PLXDC2: variants seen among roughly 807,000 people sequenced by gnomAD.
PLXDC2 encodes plexin domain containing 2, also known as plexin domain-containing protein 2.
PLXDC2 carries 40 observed loss-of-function variants against 68.9 expected under a neutral mutation model. The observed-to-expected ratio is 0.58, with a 90% CI of 0.45 to 0.76. PLXDC2 has a LOEUF of 0.76. PLXDC2 is among the 30% of genes least tolerant of loss of function. The pLI is 0.00. For synonymous variants in PLXDC2, 243 were observed against 234.2 expected, an observed-to-expected ratio of 1.04 and a Z score of -0.34; for missense variants, 644 against 661.9, an observed-to-expected ratio of 0.97 and a Z score of 0.30.
intron 1 of PLXDC2, among the ~76,000 whole-genome samples, chr10:19,875,502 A>T (rs186043553): frequency 6.6e-6 from 1 of 152,352 alleles, no homozygotes; most frequent in East Asian, 1.9e-4. Context: ...CGACCTTGAT[A>T]ATTAACAGTC....
At chr10:20,082,085 G>A in intron 4 of PLXDC2, among the ~76,000 whole-genome samples, 1 of 124,216 alleles carries the variant, frequency 8.1e-6, no homozygotes, top group Non-Finnish European at 1.6e-5. Context: ...AACAGGAGAA[G>A]TCTGAGAAAC....
intron 12 of PLXDC2, among the ~76,000 whole-genome samples, chr10:20,227,257 T>C (rs1835299190): frequency 6.6e-6 from 1 of 152,094 alleles, no homozygotes; most frequent in Non-Finnish European, 1.5e-5. Context: ...CCTAAGGGGA[T>C]GACATAGAGA....
At chr10:19,818,450 G>T (rs978461710) in intron 1 of PLXDC2, among the ~76,000 whole-genome samples, 1 of 152,008 alleles carries the variant, frequency 6.6e-6, no homozygotes, top group Admixed American at 6.6e-5. Flanking sequence ...ACAACACTTC[G>T]CCTGTCCCTG....
At chr10:19,940,141 A>T (rs1171539542) in intron 1 of PLXDC2, among the ~76,000 whole-genome samples, 1 of 151,754 alleles carries the variant, frequency 6.6e-6, no homozygotes. Context: ...ATGTGCTGGA[A>T]ATGGAAGGTA....
rs909229960 is a variant in PLXDC2 at position 20,281,438 on chromosome 10, C to A, written c.*1619C>A. 6.6e-6 allele frequency: 1 copy of A among 152,162 alleles called. No individual in the cohort carries two copies. Among genetic ancestry groups the A allele is most frequent in the Non-Finnish European group, 1.5e-5 (1 of 68,044 alleles). 9.4% of individuals were successfully genotyped at this position (152,162 alleles called of 1,614,324 possible). A position where few individuals can be genotyped will look rare whatever the true frequency, so the allele number is the denominator to read the frequency against. ...GTGCTCAACATTTGCAGATTCAGGT[C>A]TCAAGAAGCAGAGATGTCTCATAAG... is the stretch of plus-strand genomic sequence containing the variant. On this transcript the variant is annotated 3_prime_UTR_variant, in exon 14 of 14. Coordinates refer to ENST00000377252, the MANE Select transcript of PLXDC2 (RefSeq NM_032812.9).
intron 4 of PLXDC2, among the ~76,000 whole-genome samples, chr10:20,077,636 T>G (rs549623718): frequency 3.7e-4 from 57 of 152,308 alleles, no homozygotes; most frequent in Non-Finnish European, 1.5e-5. Context: ...TTAATTGGCT[T>G]ATTGTCAATT....
At chr10:19,880,518 G>T (rs541812682) in intron 1 of PLXDC2, among the ~76,000 whole-genome samples, 68 of 152,210 alleles carry the variant, frequency 4.5e-4, no homozygotes, top group African/African-American at 1.6e-3. Flanking sequence ...ATATTTTATT[G>T]TACTGACCTC....
At chr10:19,977,778 T>C (rs1365489774) in intron 1 of PLXDC2, among the ~76,000 whole-genome samples, 1 of 152,074 alleles carries the variant, frequency 6.6e-6, no homozygotes, top group Non-Finnish European at 1.5e-5. Context: ...TTTCTTTTTT[T>C]TATAAGGGCA....
chr10:20,129,099 A>G (rs1833830591), intron 4 of PLXDC2, among the ~76,000 whole-genome samples: 1 of 152,204 alleles, frequency 6.6e-6, no homozygotes, highest in South Asian at 2.1e-4. Context: ...CATTTCCACC[A>G]ACAATGTATA....
intron 4 of PLXDC2, among the ~76,000 whole-genome samples, chr10:20,115,239 A>G (rs1833606724): frequency 6.6e-6 from 1 of 152,196 alleles, no homozygotes; most frequent in Non-Finnish European, 1.5e-5. Flanking sequence ...AAGCTTATAA[A>G]GGATAGCAAA....
chr10:20,043,459 C>T (rs936474547), intron 2 of PLXDC2: 1 of 152,106 alleles, frequency 6.6e-6, no homozygotes, highest in African/African-American at 2.4e-5. Flanking sequence ...TTTATGATAA[C>T]TTCAAGACTC....
chr10:20,016,491 C>T (rs1430548831), intron 2 of PLXDC2, among the ~76,000 whole-genome samples: 3 of 152,164 alleles, frequency 2.0e-5, no homozygotes, highest in Admixed American at 2.0e-4. Context: ...GATTCTTTGT[C>T]TAGCAGTAGA....
intron 9 of PLXDC2, among the ~76,000 whole-genome samples, chr10:20,186,489 G>T (rs972227668): frequency 6.6e-6 from 1 of 151,836 alleles, no homozygotes; most frequent in African/African-American, 2.4e-5. Flanking sequence ...ATGGGGGTTT[G>T]ATATGTGGAT....
chr10:20,247,753 A>G (rs895207030), intron 13 of PLXDC2, among the ~76,000 whole-genome samples: 3 of 152,206 alleles, frequency 2.0e-5, no homozygotes, highest in African/African-American at 7.2e-5. Flanking sequence ...AATCACTTAC[A>G]TTTCCTTTGA....
At chr10:19,817,511 C>T (rs945066446) in intron 1 of PLXDC2, among the ~76,000 whole-genome samples, 19 of 152,150 alleles carry the variant, frequency 1.2e-4, no homozygotes, top group African/African-American at 4.1e-4. Flanking sequence ...TCTCCTAGGA[C>T]CTGGCATCTC....
intron 1 of PLXDC2, among the ~76,000 whole-genome samples, chr10:19,845,405 C>A (rs930588800): frequency 2.0e-5 from 3 of 152,018 alleles, no homozygotes; most frequent in Non-Finnish European, 4.4e-5. Flanking sequence ...ATGAGGTGTT[C>A]CTTGGGATCT....
chr10:20,208,802 C>G (rs1345355606), intron 9 of PLXDC2, among the ~76,000 whole-genome samples: 2 of 151,944 alleles, frequency 1.3e-5, no homozygotes, highest in African/African-American at 4.8e-5. Context: ...GTTGGCCGGT[C>G]TGAGAAATAA....
At chr10:19,932,565 T>G (rs1302481416) in intron 1 of PLXDC2, among the ~76,000 whole-genome samples, 2 of 152,176 alleles carry the variant, frequency 1.3e-5, no homozygotes, top group African/African-American at 2.4e-5. Flanking sequence ...TTTTCTCACT[T>G]TGGGATTATG....
intron 3 of PLXDC2, among the ~76,000 whole-genome samples, chr10:20,047,865 G>A (rs1835823761): frequency 6.6e-6 from 1 of 152,106 alleles, no homozygotes; most frequent in South Asian, 2.1e-4. Flanking sequence ...GTTAACCTAG[G>A]TAGCAAAGCT....
Sources: allele counts gnomAD v4.1 joint callset (sites outside exome capture counted in the v4.1 genomes callset), GRCh38; gene constraint gnomAD v4.1.1; transcripts MANE v1.5; gene names NCBI Gene and HGNC (gene_info 2026-07-23, HGNC 2026-07-21).